The following PPP1R9A variants were observed in gnomAD, a reference collection of about 807,000 sequenced individuals.
PPP1R9A encodes the protein protein phosphatase 1 regulatory subunit 9A.
A neutral mutation model predicts 141.9 loss-of-function variants in PPP1R9A; 59 were observed. That is an observed-to-expected ratio of 0.42 (90% confidence interval 0.34 to 0.52). The LOEUF is 0.52. Ranked by LOEUF, PPP1R9A falls within the 20% of genes least tolerant of loss-of-function variation. The pLI, the probability that PPP1R9A is intolerant of heterozygous loss-of-function variation, is 0.10. For missense variants in PPP1R9A, 1,444 were observed against 1,611.9 expected, an observed-to-expected ratio of 0.90 and a Z score of 1.78; for synonymous variants, 500 against 569.7, an observed-to-expected ratio of 0.88 and a Z score of 1.74.
intron 2 of PPP1R9A, among the ~76,000 whole-genome samples, chr7:95,012,280 C>T (rs945470673): frequency 3.3e-5 from 5 of 152,026 alleles, no homozygotes; most frequent in African/African-American, 7.2e-5. Context: ...GAAGCAGGCT[C>T]GACTTACATG....
At chr7:95,244,612 C>T (rs1797872042) in intron 8 of PPP1R9A, among the ~76,000 whole-genome samples, 1 of 152,176 alleles carries the variant, frequency 6.6e-6, no homozygotes, top group Non-Finnish European at 1.5e-5. Context: ...TTAATAAAAT[C>T]TGTCACTTGC....
intron 2 of PPP1R9A, among the ~76,000 whole-genome samples, chr7:95,101,232 A>C (rs1334370788): frequency 3.3e-5 from 5 of 152,202 alleles, no homozygotes; most frequent in African/African-American, 1.2e-4. Context: ...TCTTGGCCCC[A>C]AATCTTGTGT....
Position 95,211,915 on chromosome 7 carries a change from A to G in PPP1R9A, c.1956+8185A>G, listed in dbSNP as rs1792227037. Reference sequence around the variant, plus strand: ...TGAGGTGGGAAGATCACTTGAGCCCAGGAGTTTGAAGCTGCAGTGAGCTAT... The same window carrying G: ...TGAGGTGGGAAGATCACTTGAGCCCGGGAGTTTGAAGCTGCAGTGAGCTAT... On this transcript the variant is annotated intron_variant, in intron 7 of 19. Transcript: ENST00000433360. Among the ~76,000 whole-genome samples, 4 of 152,292 alleles carry G rather than the reference A, an allele frequency of 2.6e-5. No individual in the cohort carries two copies. In the South Asian group the frequency reaches 8.3e-4, roughly 32 times the overall value.
At chr7:95,277,213 C>T (rs1803370802) in intron 16 of PPP1R9A, among the ~76,000 whole-genome samples, 1 of 152,136 alleles carries the variant, frequency 6.6e-6, no homozygotes, top group South Asian at 2.1e-4. Flanking sequence ...AGAGGCAAGA[C>T]TTTCACTATT....
intron 2 of PPP1R9A, among the ~76,000 whole-genome samples, chr7:94,938,892 T>C (rs1584302913): frequency 6.6e-6 from 1 of 152,226 alleles, no homozygotes; most frequent in East Asian, 1.9e-4. Context: ...TTTTCTCATA[T>C]AATCTTAGAC....
chr7:95,270,167 A>G (rs1217710991), intron 14 of PPP1R9A, among the ~76,000 whole-genome samples: 1 of 152,118 alleles, frequency 6.6e-6, no homozygotes, highest in African/African-American at 2.4e-5. Flanking sequence ...CAAACCTAAA[A>G]TATTTTACTC....
chr7:94,983,008 A>G (rs527792153), intron 2 of PPP1R9A, among the ~76,000 whole-genome samples: 19 of 152,288 alleles, frequency 1.2e-4, no homozygotes, highest in Non-Finnish European at 2.4e-4. Context: ...AGGTATAAGG[A>G]AAGGATCCAG....
intron 2 of PPP1R9A, among the ~76,000 whole-genome samples, chr7:94,963,821 C>T (rs1341736684): frequency 6.6e-6 from 1 of 152,072 alleles, no homozygotes; most frequent in Non-Finnish European, 1.5e-5. Flanking sequence ...AGCAGAAAAA[C>T]CACAATAAGT....
chr7:95,130,960 C>T (rs1054430297), intron 4 of PPP1R9A, among the ~76,000 whole-genome samples: 2 of 152,100 alleles, frequency 1.3e-5, no homozygotes, highest in Admixed American at 6.5e-5. Flanking sequence ...TGCCTTGTCT[C>T]GGATGAGATG....
At chr7:95,083,319 T>A (rs1816180516) in intron 2 of PPP1R9A, among the ~76,000 whole-genome samples, 1 of 151,786 alleles carries the variant, frequency 6.6e-6, no homozygotes, top group South Asian at 2.1e-4. Context: ...CTTCTTCTTG[T>A]CCCTGTGTGA....
At chr7:95,013,616 G>A (rs912485739) in intron 2 of PPP1R9A, among the ~76,000 whole-genome samples, 7 of 152,054 alleles carry the variant, frequency 4.6e-5, no homozygotes, top group African/African-American at 1.7e-4. Flanking sequence ...GTTGTAGTGG[G>A]ACAGATTTTG....
intron 4 of PPP1R9A, 109 bp from the exon 5 acceptor site, chr7:95,161,758 A>C: frequency 1.4e-6 from 1 of 692,298 alleles, no homozygotes; most frequent in Non-Finnish European, 2.3e-6. Flanking sequence ...TGGATCAAAA[A>C]GAGTATCTTA....
chr7:95,200,956 CTT>C (rs904287592), intron 6 of PPP1R9A, among the ~76,000 whole-genome samples: 2 of 152,180 alleles, frequency 1.3e-5, no homozygotes, highest in Non-Finnish European at 2.9e-5. Context: ...AGCCTGGACT[CTT>C]TGCAACACAC....
At chr7:95,186,107 G>A (rs1834613033) in intron 5 of PPP1R9A, among the ~76,000 whole-genome samples, 1 of 151,938 alleles carries the variant, frequency 6.6e-6, no homozygotes, top group Non-Finnish European at 1.5e-5. Flanking sequence ...TTTGTAGATT[G>A]CTTTTGGCAG....
chr7:95,039,544 G>GGA (rs886702829), intron 2 of PPP1R9A, among the ~76,000 whole-genome samples: 3 of 150,768 alleles, frequency 2.0e-5, no homozygotes, highest in Non-Finnish European at 4.4e-5. Context: ...GGCGACAGAG[G>GGA]GAGACTACAT....
At chr7:94,957,929 A>G (rs1272775333) in intron 2 of PPP1R9A, among the ~76,000 whole-genome samples, 2 of 152,092 alleles carry the variant, frequency 1.3e-5, no homozygotes, top group East Asian at 3.9e-4. Context: ...ATTTCTGGGT[A>G]GAAATTTCAT....
intron 7 of PPP1R9A, among the ~76,000 whole-genome samples, chr7:95,220,923 T>C (rs1169811976): frequency 1.3e-5 from 2 of 152,022 alleles, no homozygotes; most frequent in Non-Finnish European, 2.9e-5. Context: ...GGAAGTTTTC[T>C]TGGGCTTGGG....
At position 95,252,080 on chromosome 7, in the gene PPP1R9A, T is replaced by C. The variant is rs1798949327; in HGVS notation, c.2615T>C (p.Met872Thr). 3.7e-6 allele frequency: 6 copies of C among 1,608,754 alleles called. No individual in the cohort carries two copies. The highest frequency in any genetic ancestry group is 5.1e-6 in the Non-Finnish European group (6 of 1,178,622). ...GGTGAAGTCTCTAAAGGGGATACCA[T>C]GGAGAACTTGGATGGCAAGCAGACA... ...SLGEVSKGDT[M>T]ENLDGKQTSC... The change falls in exon 12 of 20, where the codon ATG becomes ACG. Residue 872 changes from methionine (M) to threonine (T), a missense_variant. By Grantham distance (81) the Met-to-Thr change is moderately conservative. Around this residue, in one of 5 missense-constraint regions of PPP1R9A, gnomAD observed 488 missense variants for 542.0 expected, o/e 0.90. Coordinates refer to ENST00000433360, the MANE Select transcript of PPP1R9A (RefSeq NM_001166160.2).
chr7:95,122,290 G>C (rs1447741838), intron 4 of PPP1R9A, among the ~76,000 whole-genome samples: 2 of 152,044 alleles, frequency 1.3e-5, no homozygotes, highest in Non-Finnish European at 2.9e-5. Flanking sequence ...GGGACCACAG[G>C]TGTGGACCAC....
Sources: gnomAD v4.1 joint callset for allele counts (sites outside exome capture counted in the v4.1 genomes callset) on GRCh38, gnomAD v4.1.1 for gene constraint, gnomAD v4.1.1 regional missense constraint, MANE v1.5 for transcripts, NCBI Gene and HGNC (gene_info 2026-07-23, HGNC 2026-07-21) for gene names.